The following NOA1 variants were observed in gnomAD, a reference collection of about 807,000 sequenced individuals.
NOA1 encodes nitric oxide-associated protein 1.
Under a neutral mutation model 58.4 loss-of-function variants are expected in NOA1, and 35 were observed. The observed-to-expected ratio is 0.60, with a 90% CI of 0.46 to 0.79. NOA1 has a LOEUF of 0.79. Among genes scored for constraint, NOA1 ranks in the 30% least tolerant of loss-of-function variants. NOA1 has a pLI of 0.00. For synonymous variants in NOA1, 397 were observed against 373.4 expected, an observed-to-expected ratio of 1.06 and a Z score of -0.73; for missense variants, 895 against 894.6, an observed-to-expected ratio of 1.00 and a Z score of -0.01.
chr4:56,970,093 A>G (rs1350639963), intron 3 of NOA1, among the ~76,000 whole-genome samples: 1 of 151,716 alleles, frequency 6.6e-6, no homozygotes, highest in Non-Finnish European at 1.5e-5. Context: ...TGAGCTCAGG[A>G]GTTTGAGACC....
At chr4:56,966,418 A>T (rs1281963094) in intron 5 of NOA1, among the ~76,000 whole-genome samples, 5 of 152,330 alleles carry the variant, frequency 3.3e-5, no homozygotes, top group African/African-American at 1.2e-4. Flanking sequence ...AGAGAAAAAA[A>T]TAGCTGTGTG....
At position 56,963,381 on chromosome 4, in the gene NOA1, G is replaced by T; in HGVS notation, c.*69C>A. ...TGGGAGCTTTATTTATGCGTTATATGTTTAATACAAATTCAATGTATTTTG... is the reference window on the plus strand; with the variant it reads ...TGGGAGCTTTATTTATGCGTTATATTTTTAATACAAATTCAATGTATTTTG... On this transcript the variant is annotated 3_prime_UTR_variant, in exon 7 of 7. Coordinates refer to ENST00000264230, the MANE Select transcript of NOA1 (RefSeq NM_032313.4). 7.9e-7 allele frequency: 1 copy of T among 1,263,940 alleles called. No homozygotes were observed. Among genetic ancestry groups the T allele is most frequent in the Non-Finnish European group, 1.1e-6 (1 of 871,938 alleles). 78.3% of individuals were successfully genotyped at this position (1,263,940 alleles called of 1,614,324 possible).
Position 56,963,353 on chromosome 4 carries a change from G to T in NOA1, c.*97C>A. On this transcript the variant is annotated 3_prime_UTR_variant, in exon 7 of 7. Transcript: ENST00000264230. Reference sequence around the variant, plus strand: ...AAAAGAAAAAAGAAAAAAAGGGTAAGAATGGGAGCTTTATTTATGCGTTAT... The same window carrying T: ...AAAAGAAAAAAGAAAAAAAGGGTAATAATGGGAGCTTTATTTATGCGTTAT... The T allele has an allele frequency of 2.9e-6, 3 of 1,051,208 alleles. No homozygotes were observed. Among genetic ancestry groups the T allele is most frequent in the Non-Finnish European group, 4.3e-6 (3 of 703,142 alleles). The allele number at this position is 1,051,208 out of a possible 1,614,324, so 65.1% of individuals were successfully genotyped here. A position where few individuals can be genotyped will look rare whatever the true frequency, so the allele number is the denominator to read the frequency against.
chr4:56,976,640 T>C lies in NOA1; in HGVS notation c.946A>G (p.Ile316Val), dbSNP rs368739181. The change falls in exon 1 of 7, where the codon ATC (isoleucine) becomes GTC (valine). Residue 316 changes from isoleucine (I) to valine (V), a missense_variant. Transcript: ENST00000264230. The part of the protein sequence containing the change: ...SRTVVRDVRL[I>V]SAKTGYGVEE... ...ACTCCATAGCCGGTCTTGGCGCTGA[T>C]CAGCCGCACGTCCCTGACCACTGTG... 2.5e-6 allele frequency: 4 copies of C among 1,614,066 alleles called. No homozygotes were observed. Among genetic ancestry groups the C allele is most frequent in the African/African-American group, 1.3e-5 (1 of 74,940 alleles).
chr4:56,977,605 G>T lies in NOA1; in HGVS notation c.-20C>A, dbSNP rs754744957. 1.3e-6 allele frequency: 2 copies of T among 1,535,190 alleles called. No individual in the cohort carries two copies. Among genetic ancestry groups the T allele is most frequent in the Admixed American group, 4.3e-5 (2 of 46,580 alleles). On this transcript the variant is annotated 5_prime_UTR_variant, in exon 1 of 7. Coordinates refer to ENST00000264230, the MANE Select transcript of NOA1 (RefSeq NM_032313.4). ...CAGCATGAGGAAGTAGCTCCAAAGGGGCGGAGCCACCAGCGCGCACGCGCA... is the reference window on the plus strand; with the variant it reads ...CAGCATGAGGAAGTAGCTCCAAAGGTGCGGAGCCACCAGCGCGCACGCGCA...
intron 1 of NOA1, among the ~76,000 whole-genome samples, chr4:56,974,861 C>T (rs747271746): frequency 3.3e-5 from 5 of 150,640 alleles, no homozygotes; most frequent in Non-Finnish European, 5.9e-5. Context: ...GCTACCAAAC[C>T]CGGCTAAGTT....
chr4:56,963,356 T>G lies in NOA1; in HGVS notation c.*94A>C. ...AGAAAAAAGAAAAAAAGGGTAAGAATGGGAGCTTTATTTATGCGTTATATG... is the reference window on the plus strand; with the variant it reads ...AGAAAAAAGAAAAAAAGGGTAAGAAGGGGAGCTTTATTTATGCGTTATATG... On this transcript the variant is annotated 3_prime_UTR_variant, in exon 7 of 7. Transcript: ENST00000264230. The G allele has an allele frequency of 1.9e-6, 2 of 1,068,026 alleles. No homozygotes were observed. The highest frequency in any genetic ancestry group is 2.8e-6 in the Non-Finnish European group (2 of 717,680). The allele number at this position is 1,068,026 out of a possible 1,614,324, so 66.2% of individuals were successfully genotyped here. A position where few individuals can be genotyped will look rare whatever the true frequency, so the allele number is the denominator to read the frequency against.
Position 56,977,102 on chromosome 4 carries a change from C to T in NOA1, c.484G>A (p.Glu162Lys), listed in dbSNP as rs1487467343. 1.3e-6 allele frequency: 2 copies of T among 1,565,646 alleles called. No homozygotes were observed. Among genetic ancestry groups the T allele is most frequent in the South Asian group, 1.1e-5 (1 of 88,578 alleles). Residue 162 changes from glutamate (E) to lysine (K), a missense_variant, in exon 1 of 7, where the codon GAG (glutamate) becomes AAG (lysine). By Grantham distance (56) the Glu-to-Lys change is moderately conservative. This residue lies in a region of NOA1 where 680 missense variants were observed against 656.5 expected (regional missense o/e 1.04). Transcript: ENST00000264230. Reference sequence around the variant, plus strand: ...GCCTCCGCCGTGCGGAGGAACTTCTCTCGGGGCAGGTAGCCGGGCACTCCG... The same window carrying T: ...GCCTCCGCCGTGCGGAGGAACTTCTTTCGGGGCAGGTAGCCGGGCACTCCG... The part of the protein sequence containing the change: ...DAGVPGYLPR[E>K]KFLRTAEADG...
chr4:56,972,314 G>A (rs1206749625), intron 3 of NOA1, among the ~76,000 whole-genome samples: 2 of 152,238 alleles, frequency 1.3e-5, no homozygotes, highest in Non-Finnish European at 2.9e-5. Context: ...CTACAGCACA[G>A]CTGTAGGAAA....
intron 5 of NOA1, among the ~76,000 whole-genome samples, chr4:56,965,853 T>TTTTTTTAG (rs1560463381): frequency 1.3e-5 from 2 of 148,266 alleles, no homozygotes; most frequent in Non-Finnish European, 3.0e-5. Context: ...TTTTTTTTTT[T>TTTTTTTAG]AGAGACAGGG....
intron 3 of NOA1, among the ~76,000 whole-genome samples, chr4:56,971,913 G>A (rs1721818253): frequency 6.8e-6 from 1 of 147,882 alleles, no homozygotes; most frequent in Non-Finnish European, 1.5e-5. Context: ...TTTTGAGACA[G>A]AGTCTTGCTC....
intron 3 of NOA1, among the ~76,000 whole-genome samples, chr4:56,972,545 T>C (rs1477477343): frequency 1.3e-5 from 2 of 152,116 alleles, no homozygotes; most frequent in African/African-American, 2.4e-5. Context: ...GTACACTCAA[T>C]ACAAAGAGAA....
Position 56,976,927 on chromosome 4 carries a change from A to G in NOA1, c.659T>C (p.Met220Thr). 1.9e-6 allele frequency: 3 copies of G among 1,610,052 alleles called. No individual in the cohort carries two copies. Among genetic ancestry groups the G allele is most frequent in the South Asian group, 1.1e-5 (1 of 91,032 alleles). Residue 220 changes from methionine (M) to threonine (T), a missense_variant, in exon 1 of 7, where the codon ATG (methionine) becomes ACG (threonine). By Grantham distance (81) the Met-to-Thr change is moderately conservative. Transcript: ENST00000264230. ...RRPGPSLVLY[M>T]VDLLDLPDAL... The stretch of plus-strand genomic sequence containing the variant: ...GTCGGGCAGGTCCAGCAGGTCCACC[A>G]TGTAGAGCACCAGGGAGGGGCCGGG...
chr4:56,973,311 T>A lies in NOA1; in HGVS notation c.1352A>T (p.Asp451Val). The A allele has an allele frequency of 3.1e-6, 5 of 1,614,144 alleles. No homozygotes were observed. The highest frequency in any genetic ancestry group is 4.2e-6 in the Non-Finnish European group (5 of 1,180,020). ...RTFLYSEEQK[D>V]NIPFEFDADS... ...AGCATCAAACTCAAAGGGAATGTTA[T>A]CCTTCTGTTCTTCTGAATACAAGAA... The change falls in exon 3 of 7, where the codon GAT becomes GTT. Residue 451 changes from aspartate to valine, a missense_variant. Transcript: ENST00000264230.
At chr4:56,965,190 C>T (rs1273551389) in intron 5 of NOA1, among the ~76,000 whole-genome samples, 1 of 151,974 alleles carries the variant, frequency 6.6e-6, no homozygotes, top group African/African-American at 2.4e-5. Flanking sequence ...TTAGTAGAAA[C>T]AGGGTTTCAC....
intron 3 of NOA1, among the ~76,000 whole-genome samples, chr4:56,972,304 CTACAGCACAGCTGTAGGA>C (rs1721824506): frequency 6.6e-6 from 1 of 152,180 alleles, no homozygotes; most frequent in South Asian, 2.1e-4. Flanking sequence ...AGCCTGTTTC[CTACAGCACAGCTGTAGGA>C]AATGAAGACA....
At position 56,976,498 on chromosome 4, in the gene NOA1, T is replaced by C. The variant is rs773258204; in HGVS notation, c.1088A>G (p.Tyr363Cys). Residue 363 changes from tyrosine (Y) to cysteine (C), a missense_variant, in exon 1 of 7, where the codon TAC becomes TGC. Tyr to Cys is a radical substitution (Grantham distance 194, BLOSUM62 -2). Coordinates refer to ENST00000264230, the MANE Select transcript of NOA1 (RefSeq NM_032313.4). ...GGCCTCGGAGCCCTTGGCAGTGCAG[T>C]AATCGGACTCCAGGAGCGTGTTAAA... ...TLFNTLLESD[Y>C]CTAKGSEAID... is the part of the protein sequence containing the mutation. The C allele has an allele frequency of 1.9e-5, 31 of 1,614,174 alleles. No homozygotes were observed. The East Asian group carries it at 4.0e-4, about 21-fold the overall frequency.
chr4:56,963,504 C>A lies in NOA1; in HGVS notation c.2043G>T (p.Lys681Asn). The part of the protein sequence containing the change: ...IKKSVAYKTK[K>N]PPSLMYNVRK... ...TCACGTTGTACATAAGGGAAGGAGG[C>A]TTCTTGGTTTTATAGGCCACACTTT... is the stretch of plus-strand genomic sequence containing the variant. The change falls in exon 7 of 7, where the codon AAG (lysine) becomes AAT (asparagine). Residue 681 changes from lysine to asparagine, a missense_variant. This residue lies in a region of NOA1 where 212 missense variants were observed against 221.3 expected (regional missense o/e 0.96). Transcript: ENST00000264230. 2 of 1,614,052 alleles carry A rather than the reference C, an allele frequency of 1.2e-6. No individual in the cohort carries two copies. The highest frequency in any genetic ancestry group is 4.5e-5 in the East Asian group (2 of 44,866).
chr4:56,976,366 A>T (rs373910039), intron 1 of NOA1, 76 bp downstream of exon 1: 1 of 1,298,354 alleles, frequency 7.7e-7, no homozygotes. Flanking sequence ...TTAAGGGAGG[A>T]TGTACTCGGT....
Sources: gnomAD v4.1 joint callset for allele counts (sites outside exome capture counted in the v4.1 genomes callset) on GRCh38, gnomAD v4.1.1 for gene constraint, gnomAD v4.1.1 regional missense constraint, MANE v1.5 for transcripts, NCBI Gene and HGNC (gene_info 2026-07-23, HGNC 2026-07-21) for gene names.